CACNG3: variants seen among roughly 807,000 people sequenced by gnomAD.
CACNG3 encodes the protein calcium voltage-gated channel auxiliary subunit gamma 3.
Under a neutral mutation model 28.5 loss-of-function variants are expected in CACNG3, and 3 were observed. The ratio of observed to expected loss-of-function variants is 0.11; its 90% CI spans 0.05 to 0.27. The LOEUF (loss-of-function observed/expected upper bound fraction) is 0.27, where lower values mean the gene tolerates loss of function less well. CACNG3 is among the 10% of genes least tolerant of loss of function. The pLI is 1.00. For missense variants in CACNG3, 236 were observed against 414.4 expected, an observed-to-expected ratio of 0.57 and a Z score of 3.74; for synonymous variants, 174 against 162.2, an observed-to-expected ratio of 1.07 and a Z score of -0.55.
chr16:24,353,181 C>T (rs1899980136), intron 2 of CACNG3, among the ~76,000 whole-genome samples: 1 of 151,988 alleles, frequency 6.6e-6, no homozygotes, highest in African/African-American at 2.4e-5. Flanking sequence ...CACCATGTTG[C>T]CCAGGTTGGT....
At chr16:24,313,756 A>AT (rs896117682) in intron 1 of CACNG3, among the ~76,000 whole-genome samples, 1 of 151,548 alleles carries the variant, frequency 6.6e-6, no homozygotes, top group African/African-American at 2.4e-5. Context: ...TTATTTATTT[A>AT]TTTTTTGAGA....
chr16:24,257,535 G>C (rs1898483190), intron 1 of CACNG3, among the ~76,000 whole-genome samples: 1 of 151,878 alleles, frequency 6.6e-6, no homozygotes, highest in Non-Finnish European at 1.5e-5. Context: ...AACTTCCACT[G>C]CCAATCAGTA....
At chr16:24,355,072 G>T (rs542315582) in intron 3 of CACNG3, 99 bp downstream of exon 3, 171 of 1,202,788 alleles carry the variant, frequency 1.4e-4, no homozygotes, top group South Asian at 7.9e-4. Flanking sequence ...CTCCAGGGAA[G>T]GAGCAAGAAA....
chr16:24,294,193 CTT>C (rs1899000684), intron 1 of CACNG3, among the ~76,000 whole-genome samples: 1 of 152,254 alleles, frequency 6.6e-6, no homozygotes, highest in African/African-American at 2.4e-5. Flanking sequence ...TCTGCAAACT[CTT>C]AGCTTAGAGA....
At chr16:24,312,946 AG>A (rs1899288150) in intron 1 of CACNG3, among the ~76,000 whole-genome samples, 2 of 99,524 alleles carry the variant, frequency 2.0e-5, no homozygotes, top group South Asian at 7.6e-4. Flanking sequence ...AAAGAAAGAA[AG>A]AAAGAAAGAG....
intron 1 of CACNG3, among the ~76,000 whole-genome samples, chr16:24,261,287 G>T (rs1898534273): frequency 6.6e-6 from 1 of 152,212 alleles, no homozygotes; most frequent in African/African-American, 2.4e-5. Flanking sequence ...CGGTCTCAGT[G>T]TGGGGCAATA....
intron 1 of CACNG3, among the ~76,000 whole-genome samples, chr16:24,294,882 T>C (rs1283052192): frequency 6.6e-6 from 1 of 152,130 alleles, no homozygotes; most frequent in African/African-American, 2.4e-5. Flanking sequence ...AGGTAATAGG[T>C]GTAAAAGGAC....
intron 1 of CACNG3, among the ~76,000 whole-genome samples, chr16:24,265,552 A>G (rs991224032): frequency 4.6e-5 from 7 of 152,034 alleles, no homozygotes; most frequent in African/African-American, 1.7e-4. Context: ...TCAGTGGTGT[A>G]TATATATATT....
chr16:24,327,420 A>ATGTGTGTG (rs1182421550), intron 1 of CACNG3, among the ~76,000 whole-genome samples: 18 of 57,166 alleles, frequency 3.1e-4, no homozygotes, highest in East Asian at 6.8e-4. Context: ...ACGAATATAT[A>ATGTGTGTG]TATGTGTGTG....
intron 3 of CACNG3, among the ~76,000 whole-genome samples, chr16:24,357,737 C>T (rs1216586407): frequency 6.6e-6 from 1 of 152,240 alleles, no homozygotes; most frequent in Non-Finnish European, 1.5e-5. Context: ...GCTCCTGTCA[C>T]TGGTGGCCCC....
chr16:24,266,706 G>A (rs1465214903), intron 1 of CACNG3, among the ~76,000 whole-genome samples: 1 of 152,176 alleles, frequency 6.6e-6, no homozygotes, highest in Non-Finnish European at 1.5e-5. Context: ...GCAGATGAAT[G>A]ACAATGTCTA....
At chr16:24,286,327 A>G (rs951383753) in intron 1 of CACNG3, among the ~76,000 whole-genome samples, 2 of 152,058 alleles carry the variant, frequency 1.3e-5, no homozygotes, top group Non-Finnish European at 2.9e-5. Flanking sequence ...TAATCTTAAT[A>G]GATATTGACA....
intron 1 of CACNG3, among the ~76,000 whole-genome samples, chr16:24,325,966 A>G (rs1044275647): frequency 3.9e-5 from 6 of 152,300 alleles, no homozygotes; most frequent in African/African-American, 1.4e-4. Context: ...TGTTTCAAGC[A>G]TGGCTGGAGC....
intron 1 of CACNG3, among the ~76,000 whole-genome samples, chr16:24,285,306 G>C (rs980354588): frequency 2.0e-5 from 3 of 152,174 alleles, no homozygotes; most frequent in African/African-American, 7.2e-5. Context: ...TGCAAACACA[G>C]ATTGTTTAAG....
intron 1 of CACNG3, among the ~76,000 whole-genome samples, chr16:24,271,899 C>G (rs1898696172): frequency 6.6e-6 from 1 of 152,066 alleles, no homozygotes; most frequent in Non-Finnish European, 1.5e-5. Flanking sequence ...GTGCTCAAAA[C>G]ACATTTGCCA....
intron 1 of CACNG3, among the ~76,000 whole-genome samples, chr16:24,336,958 G>A (rs749343686): frequency 1.4e-4 from 21 of 152,080 alleles, no homozygotes; most frequent in Non-Finnish European, 2.5e-4. Context: ...GGGACTCTAG[G>A]TGTGTGCCAC....
intron 1 of CACNG3, among the ~76,000 whole-genome samples, chr16:24,314,059 C>G (rs1899313528): frequency 6.6e-6 from 1 of 152,012 alleles, no homozygotes; most frequent in Non-Finnish European, 1.5e-5. Flanking sequence ...TTTTTAAAAA[C>G]GTTTACTTTT....
Position 24,256,798 on chromosome 16 carries a change from T to C in CACNG3, c.44T>C (p.Val15Ala). The C allele has an allele frequency of 1.2e-6, 2 of 1,613,990 alleles. No homozygotes were observed. Among genetic ancestry groups the C allele is most frequent in the Non-Finnish European group, 1.7e-6 (2 of 1,179,812 alleles). ...DRGIQMLITTVGAFAAFSLMT... is the reference protein window; with the variant it reads ...DRGIQMLITTAGAFAAFSLMT... The stretch of plus-strand genomic sequence containing the variant: ...GGTATCCAGATGTTGATCACCACTG[T>C]AGGAGCCTTTGCCGCTTTTAGTTTA... Residue 15 changes from valine (V) to alanine (A), a missense_variant, in exon 1 of 4, where the codon GTA (valine) becomes GCA (alanine). Around this residue, in one of 2 missense-constraint regions of CACNG3, gnomAD observed 120 missense variants for 263.4 expected, o/e 0.46. Coordinates refer to ENST00000005284, the MANE Select transcript of CACNG3 (RefSeq NM_006539.4). This position sits in a 1 kb window ranked among gnomAD's most constrained non-coding sequence, Gnocchi z 4.6.
At chr16:24,324,628 T>C (rs1164280101) in intron 1 of CACNG3, among the ~76,000 whole-genome samples, 1 of 152,138 alleles carries the variant, frequency 6.6e-6, no homozygotes, top group Non-Finnish European at 1.5e-5. Context: ...AAAATGCATA[T>C]CCTATCATAT....
Sources: allele counts gnomAD v4.1 joint callset (sites outside exome capture counted in the v4.1 genomes callset), GRCh38; gene constraint gnomAD v4.1.1; regional missense constraint gnomAD v4.1.1; non-coding constraint Gnocchi (gnomAD v3.1); transcripts MANE v1.5; gene names NCBI Gene and HGNC (gene_info 2026-07-23, HGNC 2026-07-21).